Variants in TANC2 observed in about 807,000 individuals in gnomAD.
TANC2 encodes the protein protein TANC2.
TANC2 carries 26 observed loss-of-function variants against 210.5 expected under a neutral mutation model. The observed-to-expected ratio is 0.12, with a 90% confidence interval of 0.09 to 0.17. The LOEUF is 0.17. Among genes scored for constraint, TANC2 ranks in the 10% least tolerant of loss-of-function variants. The pLI, the probability that TANC2 is intolerant of heterozygous loss-of-function variation, is 1.00. For synonymous variants in TANC2, 931 were observed against 967.1 expected, an observed-to-expected ratio of 0.96 and a Z score of 0.69; for missense variants, 2,129 against 2,608.9, an observed-to-expected ratio of 0.82 and a Z score of 4.01.
rs145579890 is a variant in TANC2, at chr17:63,214,083, A to T, written c.769+13126A>T. On this transcript the variant is annotated intron_variant, in intron 7 of 27. Coordinates refer to ENST00000689528, the Ensembl canonical transcript of TANC2. Reference sequence around the variant, plus strand: ...CATGTCTCTGAACCATGGAAAGGAGACTCCAAAGAGGATTTTTCTGCTAAC... The same window carrying T: ...CATGTCTCTGAACCATGGAAAGGAGTCTCCAAAGAGGATTTTTCTGCTAAC... 3.7e-3 allele frequency among the ~76,000 whole-genome samples: 556 copies of T among 152,024 alleles called. 3 individuals carry two copies. Among genetic ancestry groups the T allele is most frequent in the Non-Finnish European group, 6.0e-3 (409 of 67,968 alleles).
chr17:63,060,900 T>G (rs933008708), intron 2 of TANC2, among the ~76,000 whole-genome samples: 16 of 152,170 alleles, frequency 1.1e-4, no homozygotes, highest in African/African-American at 3.6e-4. Context: ...TTTATTCTGT[T>G]TCTTTTTCTT....
chr17:62,972,527 A>G lies in TANC2; in HGVS notation c.-24+5778A>G, dbSNP rs191527440. ...GTTGGTGTGTTTTTTTAAAAATCCAATTGCTGAGGAAACACCTTTAGTGTT... is the reference window on the plus strand; with the variant it reads ...GTTGGTGTGTTTTTTTAAAAATCCAGTTGCTGAGGAAACACCTTTAGTGTT... On this transcript the variant is annotated intron_variant, in intron 1 of 27. Transcript: ENST00000689528. 6.2e-4 allele frequency among the ~76,000 whole-genome samples: 95 copies of G among 152,274 alleles called. 1 individual carries two copies. Among genetic ancestry groups the G allele is most frequent in the Admixed American group, 5.8e-3 (89 of 15,296 alleles).
In TANC2 at chr17:63,031,768, G is replaced by T. The variant is rs369384529; in HGVS notation, c.67+22142G>T. Reference sequence around the variant, plus strand: ...GAGATAGTCTTTGCCAGATTATACTGCCTGTAATAAATAAACCAGTATTAC... The same window carrying T: ...GAGATAGTCTTTGCCAGATTATACTTCCTGTAATAAATAAACCAGTATTAC... On this transcript the variant is annotated intron_variant, in intron 2 of 27. Transcript: ENST00000689528. 4.6e-5 allele frequency among the ~76,000 whole-genome samples: 7 copies of T among 152,154 alleles called. No homozygotes were observed. In the East Asian group the frequency reaches 7.7e-4, roughly 17 times the overall value.
chr17:63,241,181 C>T (rs1029113995), intron 8 of TANC2, among the ~76,000 whole-genome samples: 4 of 152,144 alleles, frequency 2.6e-5, no homozygotes, highest in Non-Finnish European at 5.9e-5. Flanking sequence ...AGAAAGTAAG[C>T]TCTATATGAG....
Position 63,307,533 on chromosome 17 carries a change from C to T in TANC2, c.1160-6855C>T, listed in dbSNP as rs1302915868. 2.0e-5 allele frequency among the ~76,000 whole-genome samples: 3 copies of T among 152,152 alleles called. No individual in the cohort carries two copies. The East Asian group carries it at 5.8e-4, about 29-fold the overall frequency. The stretch of plus-strand genomic sequence containing the variant: ...TTCAGTGGCCTACATAAAATAAAGG[C>T]CTTAAATAAAATAAAGAGGATTTCT... On this transcript the variant is annotated intron_variant, in intron 9 of 27. Transcript: ENST00000689528.
At chr17:63,359,363 TCGAGA>T (rs2046887724) in intron 14 of TANC2, among the ~76,000 whole-genome samples, 1 of 149,756 alleles carries the variant, frequency 6.7e-6, no homozygotes, top group Non-Finnish European at 1.5e-5. Flanking sequence ...TTTTTTTTTT[TCGAGA>T]CAGAGTGTCC....
At chr17:63,215,623 C>CAGAG (rs2042004444) in intron 7 of TANC2, among the ~76,000 whole-genome samples, 1 of 152,170 alleles carries the variant, frequency 6.6e-6, no homozygotes, top group Admixed American at 6.5e-5. Context: ...TGATGGGGTA[C>CAGAG]AGAGAGCCTC....
intron 4 of TANC2, among the ~76,000 whole-genome samples, chr17:63,104,057 C>G (rs771256304): frequency 5.3e-5 from 8 of 151,840 alleles, no homozygotes; most frequent in African/African-American, 1.7e-4. Context: ...ATAGCTCATC[C>G]GGAGCATCTA....
intron 3 of TANC2, among the ~76,000 whole-genome samples, chr17:63,084,365 TTCTC>T (rs767589312): frequency 3.3e-5 from 5 of 151,782 alleles, no homozygotes; most frequent in Admixed American, 1.3e-4. Flanking sequence ...TTGTGTCTCT[TTCTC>T]TCTCTCTCTT....
intron 12 of TANC2, among the ~76,000 whole-genome samples, chr17:63,342,304 C>T (rs545846845): frequency 6.6e-6 from 1 of 151,994 alleles, no homozygotes; most frequent in Non-Finnish European, 1.5e-5. Context: ...TTGTACTTAT[C>T]CCTTTGAGTA....
Position 63,248,655 on chromosome 17 carries a change from GACC to G in TANC2, c.1033+10581_1033+10583del, listed in dbSNP as rs2042979133. 5.9e-5 allele frequency among the ~76,000 whole-genome samples: 9 copies of G among 152,200 alleles called. No individual in the cohort carries two copies. In the South Asian group the frequency reaches 1.5e-3, roughly 25 times the overall value. On this transcript the variant is annotated intron_variant, in intron 8 of 27. Coordinates refer to ENST00000689528, the Ensembl canonical transcript of TANC2. ...CCTAAGCTCCTTAGCATCTTTTTAGGACCACATCTTCTGGCATGACCAGGAAAT... is the reference window on the plus strand; with the variant it reads ...CCTAAGCTCCTTAGCATCTTTTTAGGACATCTTCTGGCATGACCAGGAAAT...
intron 19 of TANC2, among the ~76,000 whole-genome samples, chr17:63,402,768 G>A (rs1337959801): frequency 1.3e-5 from 2 of 152,228 alleles, no homozygotes; most frequent in South Asian, 4.1e-4. Context: ...AAGAAAGTTG[G>A]TTCCTAACTG....
At chr17:63,294,461 G>T (rs2044474137) in intron 9 of TANC2, among the ~76,000 whole-genome samples, 1 of 151,926 alleles carries the variant, frequency 6.6e-6, no homozygotes, top group South Asian at 2.1e-4. Flanking sequence ...CTAGGCGACA[G>T]AATGAGACCC....
rs546737720 is a variant in TANC2, at chr17:63,257,334, C to A, written c.1034-10414C>A. ...TGTTGGCTTTTTGGTTTGAGATTAC[C>A]GTGAAGCTTGCATATAACATCTGGT... On this transcript the variant is annotated intron_variant, in intron 8 of 27. Coordinates refer to ENST00000689528, the Ensembl canonical transcript of TANC2. 4.6e-5 allele frequency among the ~76,000 whole-genome samples: 7 copies of A among 151,782 alleles called. No homozygotes were observed. The East Asian group carries it at 1.4e-3, about 29-fold the overall frequency.
At position 63,234,308 on chromosome 17, in the gene TANC2, A is replaced by G. The variant is rs140792772; in HGVS notation, c.770-3506A>G. ...CTTAGCTTATGTGTCTTTAAATACTATGTCCTCTCATTACATTTTTTCCCT... is the reference window on the plus strand; with the variant it reads ...CTTAGCTTATGTGTCTTTAAATACTGTGTCCTCTCATTACATTTTTTCCCT... On this transcript the variant is annotated intron_variant, in intron 7 of 27. Transcript: ENST00000689528. Among the ~76,000 whole-genome samples the G allele has an allele frequency of 6.6e-3, 1,011 of 152,294 alleles. 13 individuals carry two copies. Among genetic ancestry groups the G allele is most frequent in the African/African-American group, 0.022 (921 of 41,562 alleles).
At chr17:63,162,740 T>A (rs562253073) in intron 5 of TANC2, among the ~76,000 whole-genome samples, 1 of 152,006 alleles carries the variant, frequency 6.6e-6, no homozygotes, top group Non-Finnish European at 1.5e-5. Flanking sequence ...ATTTTCTAAA[T>A]TAAATGGAGA....
chr17:63,216,495 G>A lies in TANC2; in HGVS notation c.769+15538G>A, dbSNP rs138113440. 1.7e-3 allele frequency among the ~76,000 whole-genome samples: 263 copies of A among 152,286 alleles called. 1 individual carries two copies. Among genetic ancestry groups the A allele is most frequent in the Middle Eastern group, 3.4e-3 (1 of 294 alleles). On this transcript the variant is annotated intron_variant, in intron 7 of 27. Coordinates refer to ENST00000689528, the Ensembl canonical transcript of TANC2. ...CCAGCAAATTATTGAACTCGAGGAG[G>A]TTGTGTGAATCCCCACTCTATAGCC...
At chr17:63,123,433 C>T (rs1264372082) in intron 4 of TANC2, among the ~76,000 whole-genome samples, 1 of 151,678 alleles carries the variant, frequency 6.6e-6, no homozygotes, top group Non-Finnish European at 1.5e-5. Context: ...ATGGCTGGCG[C>T]CTGTGGTCCC....
At chr17:63,375,989 T>G (rs903752588) in intron 14 of TANC2, among the ~76,000 whole-genome samples, 5 of 151,240 alleles carry the variant, frequency 3.3e-5, no homozygotes, top group African/African-American at 1.2e-4. Flanking sequence ...TTTGGGAGGC[T>G]GAGAGGAGAA....
Sources: gnomAD v4.1 joint callset for allele counts (sites outside exome capture counted in the v4.1 genomes callset) on GRCh38, gnomAD v4.1.1 for gene constraint, MANE v1.5 for transcripts, NCBI Gene and HGNC (gene_info 2026-07-23, HGNC 2026-07-21) for gene names.